FNIP1: variants seen among roughly 807,000 people sequenced by gnomAD.
The protein encoded by FNIP1 is folliculin interacting protein 1, also known as folliculin-interacting protein 1.
Under a neutral mutation model 124.5 loss-of-function variants are expected in FNIP1, and 40 were observed. The ratio of observed to expected loss-of-function variants is 0.32; its 90% CI spans 0.25 to 0.42. The LOEUF is 0.42. Ranked by LOEUF, FNIP1 falls within the 10% of genes least tolerant of loss-of-function variation. The pLI is 1.00. For synonymous variants in FNIP1, 472 were observed against 470.6 expected (o/e 1.00, Z -0.04); for missense variants, 1,176 against 1,403.7 (o/e 0.84, Z 2.59).
chr5:131,692,932 C>T (rs1768529503), intron 11 of FNIP1, among the ~76,000 whole-genome samples: 1 of 151,588 alleles, frequency 6.6e-6, no homozygotes, highest in Admixed American at 6.6e-5. Context: ...CACTTGAACC[C>T]AGGAGGTGGA....
intron 3 of FNIP1, among the ~76,000 whole-genome samples, chr5:131,729,678 A>G (rs552313464): frequency 2.0e-5 from 3 of 152,170 alleles, no homozygotes; most frequent in Admixed American, 6.5e-5. Flanking sequence ...TCTGGGCTCA[A>G]GCAATCCTCC....
Position 131,644,630 on chromosome 5 carries a change from T to G in FNIP1, c.*55A>C. The stretch of plus-strand genomic sequence containing the variant: ...AATCTCCATAAATGCATGTTGTGTC[T>G]GCTTCCTTGGTTTCTACCTATTTTC... On this transcript the variant is annotated 3_prime_UTR_variant, in exon 18 of 18. Transcript: ENST00000510461. 1 of 1,466,562 alleles carries G rather than the reference T, an allele frequency of 6.8e-7. No individual in the cohort carries two copies. The highest frequency in any genetic ancestry group is 9.5e-7 in the Non-Finnish European group (1 of 1,047,954). The allele number at this position is 1,466,562 out of a possible 1,614,324, so 90.8% of individuals were successfully genotyped here.
rs1395401879 is a variant in FNIP1 at position 131,719,132 on chromosome 5, A to G, written c.456-72T>C. The G allele has an allele frequency of 3.5e-6, 5 of 1,434,204 alleles. No individual in the cohort carries two copies. The African/African-American group carries it at 7.1e-5, about 20-fold the overall frequency. The allele number at this position is 1,434,204 out of a possible 1,614,324, so 88.8% of individuals were successfully genotyped here. On this transcript the variant is annotated intron_variant, in intron 4 of 17. Coordinates refer to ENST00000510461, the MANE Select transcript of FNIP1 (RefSeq NM_133372.3). ...ACCTTTTGGATTTATTATAAATAAA[A>G]ATGTGTAAGTCACAGAGGTTTCACA...
At chr5:131,752,901 T>G (rs1290892991) in intron 1 of FNIP1, among the ~76,000 whole-genome samples, 4 of 152,044 alleles carry the variant, frequency 2.6e-5, no homozygotes, top group African/African-American at 4.8e-5. Flanking sequence ...AAATCCCAAC[T>G]CTACTAAAAA....
At chr5:131,763,724 T>C (rs1014850645) in intron 1 of FNIP1, among the ~76,000 whole-genome samples, 2 of 152,178 alleles carry the variant, frequency 1.3e-5, no homozygotes, top group Non-Finnish European at 2.9e-5. Context: ...CATATCAATA[T>C]TTACATGTTT....
chr5:131,712,458 C>G (rs1769327514), intron 6 of FNIP1, among the ~76,000 whole-genome samples: 1 of 152,166 alleles, frequency 6.6e-6, no homozygotes, highest in Admixed American at 6.5e-5. Context: ...CATTTTCCAA[C>G]TACATATCTG....
chr5:131,735,324 G>A lies in FNIP1; in HGVS notation c.220-4286C>T, dbSNP rs184663622. On this transcript the variant is annotated intron_variant, in intron 2 of 17. Coordinates refer to ENST00000510461, the MANE Select transcript of FNIP1 (RefSeq NM_133372.3). ...GGGCCTGCTGTGGGGTCGGGGGAGCGGGGAGGAACAGCATTAGGAGATATA... is the reference window on the plus strand; with the variant it reads ...GGGCCTGCTGTGGGGTCGGGGGAGCAGGGAGGAACAGCATTAGGAGATATA... 3.5e-3 allele frequency among the ~76,000 whole-genome samples: 527 copies of A among 152,042 alleles called. 4 individuals are homozygous for A. Among genetic ancestry groups the A allele is most frequent in the African/African-American group, 0.012 (496 of 41,480 alleles).
At chr5:131,791,708 T>C in intron 1 of FNIP1, among the ~76,000 whole-genome samples, 1 of 152,176 alleles carries the variant, frequency 6.6e-6, no homozygotes, top group East Asian at 1.9e-4. Flanking sequence ...TAACTGCAAA[T>C]GCAATATACA....
chr5:131,749,607 G>A (rs1446574876), intron 1 of FNIP1, among the ~76,000 whole-genome samples: 1 of 152,006 alleles, frequency 6.6e-6, no homozygotes, highest in Non-Finnish European at 1.5e-5. Context: ...GGCCAGGTTT[G>A]TCTCAAACTC....
chr5:131,766,121 CTTTT>C (rs1771415374), intron 1 of FNIP1, among the ~76,000 whole-genome samples: 2 of 117,386 alleles, frequency 1.7e-5, no homozygotes, highest in Non-Finnish European at 3.7e-5. Flanking sequence ...TTTTTTTTTT[CTTTT>C]GAGACACGGT....
chr5:131,778,113 C>T (rs1011388061), intron 1 of FNIP1, among the ~76,000 whole-genome samples: 1 of 152,092 alleles, frequency 6.6e-6, no homozygotes, highest in South Asian at 2.1e-4. Flanking sequence ...AATCCCAACA[C>T]TTTGGGGGGC....
In FNIP1 at chr5:131,672,205, C is replaced by A. The variant is rs746100257; in HGVS notation, c.2239G>T (p.Ala747Ser). The change falls in exon 14 of 18, where the codon GCC (alanine) becomes TCC (serine). Residue 747 changes from alanine to serine, a missense_variant. By Grantham distance (99) the Ala-to-Ser change is moderately conservative (BLOSUM62 1). Around this residue, in one of 2 missense-constraint regions of FNIP1, gnomAD observed 1,109 missense variants for 1,288.5 expected, o/e 0.86. Coordinates refer to ENST00000510461, the MANE Select transcript of FNIP1 (RefSeq NM_133372.3). Reference protein sequence around the residue: ...IVPASFSCEAAQTKVTFLIGD... With the variant: ...IVPASFSCEASQTKVTFLIGD... ...ATCAGGAAAGTAACCTTTGTCTGGG[C>A]AGCCTCACAAGAAAATGAAGCAGGC... 3.7e-6 allele frequency: 6 copies of A among 1,614,074 alleles called. No individual in the cohort carries two copies. The Admixed American group carries it at 6.7e-5, about 18-fold the overall frequency.
At chr5:131,789,353 T>C (rs1275416676) in intron 1 of FNIP1, among the ~76,000 whole-genome samples, 1 of 152,146 alleles carries the variant, frequency 6.6e-6, no homozygotes. Context: ...AAAAATCCCA[T>C]TTAAAAAACA....
intron 11 of FNIP1, among the ~76,000 whole-genome samples, chr5:131,688,679 A>T (rs1768367193): frequency 6.7e-6 from 1 of 149,506 alleles, no homozygotes; most frequent in Non-Finnish European, 1.5e-5. Flanking sequence ...TCATTTAAAA[A>T]ATCAAAAGGA....
intron 1 of FNIP1, among the ~76,000 whole-genome samples, chr5:131,747,710 G>A (rs1345971922): frequency 6.6e-6 from 1 of 152,140 alleles, no homozygotes; most frequent in Non-Finnish European, 1.5e-5. Flanking sequence ...TCAGATTCTA[G>A]GGGACTGAAG....
intron 1 of FNIP1, among the ~76,000 whole-genome samples, chr5:131,745,181 A>C (rs554015520): frequency 6.6e-6 from 1 of 152,188 alleles, no homozygotes; most frequent in South Asian, 2.1e-4. Context: ...GTGGAGAGCA[A>C]TCAAGTATAG....
At chr5:131,765,330 A>G (rs145049238) in intron 1 of FNIP1, among the ~76,000 whole-genome samples, 36 of 152,244 alleles carry the variant, frequency 2.4e-4, no homozygotes, top group African/African-American at 8.7e-4. Flanking sequence ...TTCATATTAC[A>G]TGGGTTTATA....
chr5:131,684,148 A>G (rs773184026), intron 11 of FNIP1, among the ~76,000 whole-genome samples: 1 of 152,226 alleles, frequency 6.6e-6, no homozygotes, highest in Non-Finnish European at 1.5e-5. Context: ...AAATGCAAAA[A>G]AATTGGCACT....
intron 1 of FNIP1, among the ~76,000 whole-genome samples, chr5:131,790,086 T>C (rs1772354265): frequency 1.3e-5 from 2 of 152,230 alleles, no homozygotes; most frequent in African/African-American, 4.8e-5. Context: ...TGTTATTTCA[T>C]TTATTCATTC....
Sources: allele counts gnomAD v4.1 joint callset (sites outside exome capture counted in the v4.1 genomes callset), GRCh38; gene constraint gnomAD v4.1.1; regional missense constraint gnomAD v4.1.1; transcripts MANE v1.5; gene names NCBI Gene and HGNC (gene_info 2026-07-23, HGNC 2026-07-21).